The following SARS2 variants were observed in gnomAD, a reference collection of about 807,000 sequenced individuals.
The protein encoded by SARS2 is serine--tRNA ligase, mitochondrial.
A neutral mutation model predicts 66.8 loss-of-function variants in SARS2; 52 were observed. The ratio of observed to expected loss-of-function variants is 0.78; its 90% CI spans 0.62 to 0.98. SARS2 has a LOEUF of 0.98. Among genes scored for constraint, SARS2 ranks in the 50% least tolerant of loss-of-function variants. SARS2 has a pLI of 0.00. For synonymous variants in SARS2, 306 were observed against 281.4 expected, an observed-to-expected ratio of 1.09 and a Z score of -0.87; for missense variants, 673 against 706.3, an observed-to-expected ratio of 0.95 and a Z score of 0.53.
At chr19:38,917,565 G>A (rs935045793) in intron 12 of SARS2, among the ~76,000 whole-genome samples, 159 bp downstream of exon 12, 18 of 152,260 alleles carry the variant, frequency 1.2e-4, no homozygotes, top group Non-Finnish European at 2.1e-4. Context: ...ACGGCAGACA[G>A]ATTGGGATCC....
intron 5 of SARS2, 118 bp downstream of exon 5, chr19:38,921,274 C>G: frequency 1.7e-5 from 18 of 1,079,946 alleles, no homozygotes; most frequent in Non-Finnish European, 2.5e-5. Flanking sequence ...ACCTCCTGTA[C>G]CGCCAGGAGT....
chr19:38,921,659 C>A lies in SARS2; in HGVS notation c.402G>T (p.Lys134Asn). The stretch of plus-strand genomic sequence containing the variant: ...GGCCACGTGCCCGCAGACCCTGGTA[C>A]TTGGGGTCCTGGGGGCAGCACAGGT... ...QDSGEVQQDPKYQGLRARGRE... is the reference protein window; with the variant it reads ...QDSGEVQQDPNYQGLRARGRE... The change falls in exon 4 of 16, where the codon AAG (lysine) becomes AAT (asparagine). Residue 134 changes from lysine to asparagine, a missense_variant. Lys to Asn is a moderately conservative substitution (Grantham distance 94). Coordinates refer to ENST00000221431, the MANE Select transcript of SARS2 (RefSeq NM_017827.4). The A allele has an allele frequency of 6.2e-7, 1 of 1,614,162 alleles. No individual in the cohort carries two copies.
rs777147071 is a variant in SARS2 at position 38,916,200 on chromosome 19, C to T, written c.1254+21G>A. 7.4e-6 allele frequency: 12 copies of T among 1,613,512 alleles called. No individual in the cohort carries two copies. The East Asian group carries it at 2.5e-4, about 33-fold the overall frequency. On this transcript the variant is annotated intron_variant, in intron 13 of 15. Transcript: ENST00000221431. The stretch of plus-strand genomic sequence containing the variant: ...AGGCCTGTCCTCCTGCCCACCCCGT[C>T]CCCAGCGGCACAGGGCTCACCTCTC...
rs1236355021 is a variant in SARS2, at chr19:38,924,285, A to G, written c.363+1920T>C. On this transcript the variant is annotated intron_variant, in intron 2 of 15. Coordinates refer to ENST00000221431, the MANE Select transcript of SARS2 (RefSeq NM_017827.4). ...TTCCATGATCCTAAGCAGCTGAGGGAATCGAACAGCCTGGGTCTGAATGTT... is the reference window on the plus strand; with the variant it reads ...TTCCATGATCCTAAGCAGCTGAGGGGATCGAACAGCCTGGGTCTGAATGTT... Among the ~76,000 whole-genome samples the G allele has an allele frequency of 2.0e-5, 3 of 152,122 alleles. No individual in the cohort carries two copies. The East Asian group carries it at 5.8e-4, about 29-fold the overall frequency.
Position 38,930,748 on chromosome 19 carries a change from A to G in SARS2, c.-12T>C, listed in dbSNP as rs730078. On this transcript the variant is annotated 5_prime_UTR_variant, in exon 1 of 16. Transcript: ENST00000221431. ...ATGGACGCAGCCATCTTGGACCGGG[A>G]ACAAGGCGGCACTTCGTCCCGCCCA... 1,061,264 of 1,611,412 alleles carry G rather than the reference A, an allele frequency of 0.66. 356,845 individuals carry two copies. The highest frequency in any genetic ancestry group is 0.97 in the East Asian group (43,657 of 44,870).
chr19:38,923,219 CTTTTT>C (rs1165441029), intron 2 of SARS2, among the ~76,000 whole-genome samples: 1 of 75,762 alleles, frequency 1.3e-5, no homozygotes, highest in African/African-American at 5.8e-5. Flanking sequence ...CTCAGGTTTT[CTTTTT>C]TTTTTTTTTT....
In SARS2 at chr19:38,918,071, G is replaced by T. The variant is rs1460765278; in HGVS notation, c.962+23C>A. 2.5e-6 allele frequency: 4 copies of T among 1,605,382 alleles called. No individual in the cohort carries two copies. The African/African-American group carries it at 5.3e-5, about 21-fold the overall frequency. On this transcript the variant is annotated intron_variant, in intron 10 of 15. Coordinates refer to ENST00000221431, the MANE Select transcript of SARS2 (RefSeq NM_017827.4). Reference sequence around the variant, plus strand: ...GACTGATTGTCACAGGTGGGGTCAAGGTCTAAGGAAACCAGGTGTCACCTG... The same window carrying T: ...GACTGATTGTCACAGGTGGGGTCAATGTCTAAGGAAACCAGGTGTCACCTG...
intron 3 of SARS2, 199 bp from the exon 4 acceptor site, chr19:38,921,866 T>C: frequency 7.5e-7 from 1 of 1,331,150 alleles, no homozygotes; most frequent in Non-Finnish European, 1.1e-6. Flanking sequence ...CCTGGCCAAC[T>C]AGAACGTTCT....
At chr19:38,921,086 CAGACACACAT>C (rs1974525133) in intron 5 of SARS2, among the ~76,000 whole-genome samples, 3 of 151,758 alleles carry the variant, frequency 2.0e-5, no homozygotes, top group Admixed American at 6.6e-5. Context: ...CACACAGATA[CAGACACACAT>C]GACACACAGT....
intron 5 of SARS2, among the ~76,000 whole-genome samples, chr19:38,920,593 A>G (rs1974503095): frequency 6.6e-6 from 1 of 151,962 alleles, no homozygotes; most frequent in Non-Finnish European, 1.5e-5. Context: ...ACACACACAG[A>G]GATACACACA....
At chr19:38,921,981 T>C in intron 3 of SARS2, 1 of 1,551,760 alleles carries the variant, frequency 6.4e-7, no homozygotes, top group Non-Finnish European at 8.7e-7. Flanking sequence ...GAAAGCGTGC[T>C]TGACTTTGCC....
chr19:38,923,216 TTTC>T (rs1356093401), intron 2 of SARS2, among the ~76,000 whole-genome samples: 7 of 123,554 alleles, frequency 5.7e-5, no homozygotes, highest in Admixed American at 1.6e-4. Flanking sequence ...GATCTCAGGT[TTTC>T]TTTTTTTTTT....
At chr19:38,922,561 G>A (rs1388633354) in intron 2 of SARS2, among the ~76,000 whole-genome samples, 1 of 152,192 alleles carries the variant, frequency 6.6e-6, no homozygotes, top group Non-Finnish European at 1.5e-5. Flanking sequence ...CACTTTAGGA[G>A]GTAGGCATTC....
At chr19:38,922,074 C>G (rs746166864) in intron 3 of SARS2, 164 bp downstream of exon 3, 1 of 1,579,546 alleles carries the variant, frequency 6.3e-7, no homozygotes. Context: ...TGGATCCAGC[C>G]GCACCTGAAG....
intron 5 of SARS2, among the ~76,000 whole-genome samples, chr19:38,920,818 GAC>G (rs1345962942): frequency 8.0e-5 from 12 of 150,284 alleles, no homozygotes; most frequent in Admixed American, 7.3e-4. Flanking sequence ...CACAGAGACA[GAC>G]ACATACACAC....
At position 38,916,227 on chromosome 19, in the gene SARS2, A is replaced by C. The variant is rs1293589610; in HGVS notation, c.1248T>G (p.Phe416Leu). The C allele has an allele frequency of 6.2e-7, 1 of 1,613,986 alleles. No homozygotes were observed. The highest frequency in any genetic ancestry group is 8.5e-7 in the Non-Finnish European group (1 of 1,179,912). Reference sequence around the variant, plus strand: ...CCAGCGGCACAGGGCTCACCTCTCCAAAGCGGCCTCGGCCTGGCATCCAGG... The same window carrying C: ...CCAGCGGCACAGGGCTCACCTCTCCCAAGCGGCCTCGGCCTGGCATCCAGG... ...IEAWMPGRGR[F>L]GEVTSASNCT... is the part of the protein sequence containing the mutation. Residue 416 changes from phenylalanine to leucine, a missense_variant, in exon 13 of 16, where the codon TTT becomes TTG. By Grantham distance (22) the Phe-to-Leu change is conservative. Transcript: ENST00000221431.
chr19:38,915,396 T>C lies in SARS2; in HGVS notation c.*210A>G. 1 of 603,324 alleles carries C rather than the reference T, an allele frequency of 1.7e-6. No individual in the cohort carries two copies. Among genetic ancestry groups the C allele is most frequent in the South Asian group, 2.0e-5 (1 of 50,388 alleles). 37.4% of individuals were successfully genotyped at this position (603,324 alleles called of 1,614,324 possible). A position where few individuals can be genotyped will look rare whatever the true frequency, so the allele number is the denominator to read the frequency against. ...AAAGCCCAGACGTCCTGCTTCCCAC[T>C]GGGACCCTCAATGATAACAGGGTCA... On this transcript the variant is annotated 3_prime_UTR_variant, in exon 16 of 16. Coordinates refer to ENST00000221431, the MANE Select transcript of SARS2 (RefSeq NM_017827.4).
chr19:38,930,176 G>A (rs1167842747), intron 1 of SARS2: 3 of 396,154 alleles, frequency 7.6e-6, no homozygotes, highest in Non-Finnish European at 1.4e-5. Context: ...GTTGCAGCAC[G>A]GAGGGCAATG....
At chr19:38,923,890 C>T (rs913603700) in intron 2 of SARS2, among the ~76,000 whole-genome samples, 1 of 152,100 alleles carries the variant, frequency 6.6e-6, no homozygotes, top group African/African-American at 2.4e-5. Context: ...AGGAGAATGG[C>T]GTGAACCCGG....
Sources: allele counts gnomAD v4.1 joint callset (sites outside exome capture counted in the v4.1 genomes callset), GRCh38; gene constraint gnomAD v4.1.1; transcripts MANE v1.5; gene names NCBI Gene and HGNC (gene_info 2026-07-23, HGNC 2026-07-21).